The following ESR1 variants were observed in gnomAD, a reference collection of about 807,000 sequenced individuals.
The protein encoded by ESR1 is estrogen receptor.
A neutral mutation model predicts 52.7 loss-of-function variants in ESR1; 12 were observed. The observed-to-expected ratio is 0.23, with a 90% confidence interval of 0.15 to 0.37. The LOEUF (loss-of-function observed/expected upper bound fraction) is 0.37. Ranked by LOEUF, ESR1 falls within the 10% of genes least tolerant of loss-of-function variation. The pLI is 1.00. For synonymous variants in ESR1, 305 were observed against 316.8 expected (o/e 0.96, Z 0.39); for missense variants, 584 against 779.7 (o/e 0.75, Z 2.99).
intron 2 of ESR1, among the ~76,000 whole-genome samples, chr6:151,779,347 G>A (rs922007558): frequency 6.6e-6 from 1 of 151,984 alleles, no homozygotes; most frequent in East Asian, 1.9e-4. Flanking sequence ...TATTAAACGG[G>A]GAATCCTTTC....
At chr6:151,695,642 T>A (rs1333161569) in intron 1 of ESR1, among the ~76,000 whole-genome samples, 1 of 152,148 alleles carries the variant, frequency 6.6e-6, no homozygotes, top group African/African-American at 2.4e-5. Flanking sequence ...ATAGAAATGG[T>A]CTCATTGGAA....
At chr6:151,990,497 A>C (rs956643821) in intron 4 of ESR1, among the ~76,000 whole-genome samples, 2 of 152,036 alleles carry the variant, frequency 1.3e-5, no homozygotes, top group African/African-American at 4.8e-5. Flanking sequence ...TCTGCATCTA[A>C]CTTTAGGATG....
intron 4 of ESR1, among the ~76,000 whole-genome samples, chr6:152,004,578 A>G (rs2042193655): frequency 6.6e-6 from 1 of 152,032 alleles, no homozygotes; most frequent in African/African-American, 2.4e-5. Context: ...AGGAAGAAGT[A>G]GAATTATCAT....
intron 3 of ESR1, among the ~76,000 whole-genome samples, chr6:151,881,778 G>T (rs1792956579): frequency 1.3e-5 from 2 of 152,164 alleles, no homozygotes; most frequent in South Asian, 4.2e-4. Flanking sequence ...AGCTACTTGG[G>T]AGGTGGAGGC....
At chr6:152,044,212 A>G (rs566975108) in intron 5 of ESR1, among the ~76,000 whole-genome samples, 1 of 152,194 alleles carries the variant, frequency 6.6e-6, no homozygotes, top group East Asian at 1.9e-4. Context: ...ATTTTGCATA[A>G]CTCTCTACAC....
In ESR1 at chr6:151,777,409, G is replaced by A. The variant is rs148701410; in HGVS notation, c.-70-30434G>A. 8.0e-3 allele frequency among the ~76,000 whole-genome samples: 1,214 copies of A among 151,982 alleles called. 6 individuals are homozygous for A. Among genetic ancestry groups the A allele is most frequent in the Middle Eastern group, 0.068 (20 of 294 alleles). ...GCTGAGATTACAGGTGTGAGCCACC[G>A]CACCTGGCCTATTTTCTATTTTTTA... On this transcript the variant is annotated intron_variant, in intron 2 of 2. Coordinates refer to the ESR1 transcript ENST00000404742.
chr6:151,876,535 T>C (rs1186832907), intron 2 of ESR1, among the ~76,000 whole-genome samples: 1 of 152,154 alleles, frequency 6.6e-6, no homozygotes, highest in Non-Finnish European at 1.5e-5. Flanking sequence ...AACTAACAAA[T>C]GCAGACTTTC....
At chr6:151,660,643 G>T (rs886525048) in intron 1 of ESR1, among the ~76,000 whole-genome samples, 4 of 152,068 alleles carry the variant, frequency 2.6e-5, no homozygotes, top group Non-Finnish European at 5.9e-5. Flanking sequence ...TAGCTCTTTG[G>T]CTGAGTGGAC....
chr6:151,701,867 A>C (rs1343736685), intron 1 of ESR1: 1 of 152,232 alleles, frequency 6.6e-6, no homozygotes, highest in African/African-American at 2.4e-5. Context: ...CTGTTAAAAA[A>C]ACAAAAGGAA....
chr6:151,881,862 G>A (rs1053446193), intron 3 of ESR1, among the ~76,000 whole-genome samples: 1 of 150,890 alleles, frequency 6.6e-6, no homozygotes. Flanking sequence ...CAGCCTGGGT[G>A]ATAGAGTGAG....
upstream of ESR1, among the ~76,000 whole-genome samples, chr6:151,689,968 C>T (rs752709220): frequency 1.9e-4 from 29 of 152,062 alleles, no homozygotes; most frequent in Admixed American, 5.9e-4. Flanking sequence ...CAGGAAATAC[C>T]GGACAGTTTA....
chr6:151,923,405 A>G lies in ESR1; in HGVS notation c.761-20768A>G, dbSNP rs1465139702. On this transcript the variant is annotated intron_variant, in intron 3 of 7. Coordinates refer to ENST00000206249, the MANE Select transcript of ESR1 (RefSeq NM_000125.4). The stretch of plus-strand genomic sequence containing the variant: ...TCACCATTATAGTAATATAGTTCCT[A>G]TGGAATAGAATAGTTTCTATCGCTG... Among the ~76,000 whole-genome samples, 5 of 152,182 alleles carry G rather than the reference A, an allele frequency of 3.3e-5. No individual in the cohort carries two copies. In the East Asian group the frequency reaches 9.6e-4, roughly 29 times the overall value.
chr6:151,847,129 G>C (rs1011381169), intron 2 of ESR1, among the ~76,000 whole-genome samples: 5 of 152,260 alleles, frequency 3.3e-5, no homozygotes, highest in East Asian at 3.9e-4. Context: ...ATGATCTTTG[G>C]CCAGGAAGAC....
At chr6:152,105,531 T>A (rs1441897991), downstream of ESR1, among the ~76,000 whole-genome samples, 1 of 151,794 alleles carries the variant, frequency 6.6e-6, no homozygotes, top group Non-Finnish European at 1.5e-5. Flanking sequence ...GTTCAAGCGA[T>A]TCTCCTGCCT....
At chr6:152,054,220 C>T (rs1200889022) in intron 5 of ESR1, among the ~76,000 whole-genome samples, 1 of 151,844 alleles carries the variant, frequency 6.6e-6, no homozygotes, top group Non-Finnish European at 1.5e-5. Flanking sequence ...TATTTTCTTC[C>T]CTTAAAGATG....
intron 5 of ESR1, among the ~76,000 whole-genome samples, chr6:152,019,085 A>G (rs1422953878): frequency 1.3e-5 from 2 of 152,206 alleles, no homozygotes; most frequent in African/African-American, 4.8e-5. Context: ...GGAATATGAA[A>G]CTGTAAGCTG....
intron 5 of ESR1, among the ~76,000 whole-genome samples, chr6:152,014,435 C>G (rs2043013989): frequency 6.6e-6 from 1 of 152,124 alleles, no homozygotes; most frequent in Non-Finnish European, 1.5e-5. Flanking sequence ...AGAATCACCA[C>G]TCTATGCTTT....
chr6:151,781,359 G>A (rs1158499559), intron 2 of ESR1, among the ~76,000 whole-genome samples: 1 of 152,234 alleles, frequency 6.6e-6, no homozygotes, highest in African/African-American at 2.4e-5. Flanking sequence ...AAATGTGGCT[G>A]AATTTGTGCT....
chr6:151,960,984 A>G (rs1478938498), intron 4 of ESR1, among the ~76,000 whole-genome samples: 1 of 152,226 alleles, frequency 6.6e-6, no homozygotes, highest in Admixed American at 6.5e-5. Flanking sequence ...CAATGATAAA[A>G]GTTGAGTCAA....
Sources: gnomAD v4.1 joint callset for allele counts (sites outside exome capture counted in the v4.1 genomes callset) on GRCh38, gnomAD v4.1.1 for gene constraint, MANE v1.5 for transcripts, NCBI Gene and HGNC (gene_info 2026-07-23, HGNC 2026-07-21) for gene names.